The following FAT3 variants were observed in gnomAD, a reference collection of about 807,000 sequenced individuals.
FAT3 encodes protocadherin Fat 3.
FAT3 carries 95 observed loss-of-function variants against 310.2 expected under a neutral mutation model. The observed-to-expected ratio is 0.31, with a 90% CI of 0.26 to 0.36. The LOEUF is 0.36. Ranked by LOEUF, FAT3 falls within the 10% of genes least tolerant of loss-of-function variation. The probability of loss-of-function intolerance (pLI) is 1.00; values close to 1 mark genes in which losing one functional copy is unlikely to be tolerated. For missense variants in FAT3, 5,408 were observed against 5,715.6 expected (o/e 0.95, Z 1.74); for synonymous variants, 2,314 against 2,192.9 (o/e 1.06, Z -1.54).
chr11:92,833,391 A>G (rs1948317505), intron 14 of FAT3, among the ~76,000 whole-genome samples: 1 of 152,212 alleles, frequency 6.6e-6, no homozygotes, highest in African/African-American at 2.4e-5. Flanking sequence ...TCCAGTAAAT[A>G]TAAACAAGAA....
Position 92,319,573 on chromosome 11 carries a change from C to A in FAT3, c.-17-32523C>A, listed in dbSNP as rs569070846. 2.0e-4 allele frequency among the ~76,000 whole-genome samples: 30 copies of A among 152,304 alleles called. 2 individuals carry two copies. In the South Asian group the frequency reaches 5.8e-3, roughly 29 times the overall value. ...ATCAGCGCCAACAACATTGATGCAT[C>A]TTATGTCCTGTGCAAAGTGTTGCTG... On this transcript the variant is annotated intron_variant, in intron 1 of 27. Coordinates refer to ENST00000525166, the MANE Select transcript of FAT3 (RefSeq NM_001367949.2).
chr11:92,453,743 C>G (rs576548323), intron 2 of FAT3, among the ~76,000 whole-genome samples: 21 of 152,034 alleles, frequency 1.4e-4, no homozygotes, highest in African/African-American at 4.3e-4. Context: ...GTTTTTTCCC[C>G]CAAGTAACAA....
At chr11:92,307,325 CAA>C (rs1225078745) in intron 1 of FAT3, among the ~76,000 whole-genome samples, 3 of 152,096 alleles carry the variant, frequency 2.0e-5, no homozygotes, top group East Asian at 3.9e-4. Context: ...TAGAATATTT[CAA>C]AAGTTTTCCT....
At chr11:92,541,618 C>G (rs566931552) in intron 3 of FAT3, among the ~76,000 whole-genome samples, 1 of 152,218 alleles carries the variant, frequency 6.6e-6, no homozygotes, top group African/African-American at 2.4e-5. Context: ...CCCACATTCT[C>G]AAAGTGCTTT....
chr11:92,690,972 A>T (rs955972777), intron 3 of FAT3, among the ~76,000 whole-genome samples: 1 of 152,210 alleles, frequency 6.6e-6, no homozygotes, highest in African/African-American at 2.4e-5. Context: ...TATGCATAGG[A>T]TGTTTAATTT....
chr11:92,283,415 C>T (rs1946479298), intron 1 of FAT3, among the ~76,000 whole-genome samples: 1 of 152,148 alleles, frequency 6.6e-6, no homozygotes, highest in African/African-American at 2.4e-5. Flanking sequence ...GGTGCTGTGA[C>T]AGTTAGGTAA....
At chr11:92,741,212 T>G (rs1336636016) in intron 4 of FAT3, among the ~76,000 whole-genome samples, 1 of 152,144 alleles carries the variant, frequency 6.6e-6, no homozygotes, top group Non-Finnish European at 1.5e-5. Context: ...CGGTTAATTT[T>G]TTAATTTTCG....
intron 2 of FAT3, among the ~76,000 whole-genome samples, chr11:92,469,688 T>C (rs1286167015): frequency 1.3e-5 from 2 of 151,918 alleles, no homozygotes; most frequent in Non-Finnish European, 2.9e-5. Context: ...CTAATTTTTT[T>C]TTATTTTTAG....
intron 2 of FAT3, among the ~76,000 whole-genome samples, chr11:92,489,529 C>A (rs1801575112): frequency 6.6e-6 from 1 of 151,932 alleles, no homozygotes; most frequent in East Asian, 1.9e-4. Context: ...TTTGTTTTTG[C>A]CATGGAACAT....
intron 2 of FAT3, among the ~76,000 whole-genome samples, chr11:92,402,572 A>C (rs1950041370): frequency 6.6e-6 from 1 of 151,850 alleles, no homozygotes; most frequent in Non-Finnish European, 1.5e-5. Context: ...TCCACAAAAA[A>C]ATACAAAAAA....
intron 1 of FAT3, among the ~76,000 whole-genome samples, chr11:92,264,095 A>G (rs11019889): frequency 0.03 from 4,520 of 151,972 alleles, 246 homozygotes; most frequent in African/African-American, 0.1. Context: ...TCTCACATCG[A>G]CTCTATCTGT....
At chr11:92,442,096 TATATATATA>T (rs1951080083) in intron 2 of FAT3, among the ~76,000 whole-genome samples, 7 of 49,234 alleles carry the variant, frequency 1.4e-4, no homozygotes, top group Non-Finnish European at 2.0e-4. Flanking sequence ...TATATATATA[TATATATATA>T]TATATATTTT....
At chr11:92,539,803 AC>A (rs1388629769) in intron 3 of FAT3, among the ~76,000 whole-genome samples, 5 of 152,146 alleles carry the variant, frequency 3.3e-5, no homozygotes, top group African/African-American at 1.2e-4. Context: ...ATATTTCTGG[AC>A]CACTTTTTAA....
intron 1 of FAT3, among the ~76,000 whole-genome samples, chr11:92,323,000 C>G (rs1947663724): frequency 6.6e-6 from 1 of 151,936 alleles, no homozygotes; most frequent in African/African-American, 2.4e-5. Context: ...TTTCAATTTA[C>G]TTTACCAGAT....
At chr11:92,607,223 C>T (rs1053472516) in intron 3 of FAT3, among the ~76,000 whole-genome samples, 76 of 151,888 alleles carry the variant, frequency 5.0e-4, no homozygotes, top group Non-Finnish European at 8.4e-4. Context: ...TGGAATCTAC[C>T]TTATGATATG....
chr11:92,821,431 G>A (rs1398143956), intron 13 of FAT3, among the ~76,000 whole-genome samples: 1 of 152,020 alleles, frequency 6.6e-6, no homozygotes, highest in Non-Finnish European at 1.5e-5. Flanking sequence ...ACCTGCATAG[G>A]TCACTGATTT....
chr11:92,431,531 C>G (rs1950777901), intron 2 of FAT3, among the ~76,000 whole-genome samples: 1 of 152,118 alleles, frequency 6.6e-6, no homozygotes, highest in Non-Finnish European at 1.5e-5. Context: ...TCCCATTTGT[C>G]AATTTTGGCT....
Position 92,353,829 on chromosome 11 carries a change from G to C in FAT3, c.1717G>C (p.Asp573His). ...NVTIRIGNVN[D>H]NSPLFEKVAC... is the part of the protein sequence containing the mutation. Reference sequence around the variant, plus strand: ...GACTATTCGAATAGGAAATGTCAACGACAACAGCCCTCTCTTTGAAAAAGT... The same window carrying C: ...GACTATTCGAATAGGAAATGTCAACCACAACAGCCCTCTCTTTGAAAAAGT... Residue 573 changes from aspartate (D) to histidine (H), a missense_variant, in exon 2 of 28, where the codon GAC becomes CAC. By Grantham distance (81) the Asp-to-His change is moderately conservative. Coordinates refer to ENST00000525166, the MANE Select transcript of FAT3 (RefSeq NM_001367949.2). 2 of 1,613,648 alleles carry C rather than the reference G, an allele frequency of 1.2e-6. No homozygotes were observed. The highest frequency in any genetic ancestry group is 1.7e-6 in the Non-Finnish European group (2 of 1,179,754).
At chr11:92,792,740 C>G in intron 8 of FAT3, 27 bp from the exon 9 acceptor site, 1 of 1,606,154 alleles carries the variant, frequency 6.2e-7, no homozygotes, top group Admixed American at 1.7e-5. Context: ...AATTTGAGTC[C>G]CACCACTTCT....
Sources: gnomAD v4.1 joint callset for allele counts (sites outside exome capture counted in the v4.1 genomes callset) on GRCh38, gnomAD v4.1.1 for gene constraint, MANE v1.5 for transcripts, NCBI Gene and HGNC (gene_info 2026-07-23, HGNC 2026-07-21) for gene names.